The following STXBP5 variants were observed in gnomAD, a reference collection of about 807,000 sequenced individuals.
STXBP5 encodes syntaxin-binding protein 5.
A neutral mutation model predicts 152.4 loss-of-function variants in STXBP5; 50 were observed. The ratio of observed to expected loss-of-function variants is 0.33; its 90% CI spans 0.26 to 0.42. STXBP5 has a LOEUF of 0.42. Among genes scored for constraint, STXBP5 ranks in the 10% least tolerant of loss-of-function variants. The pLI, the probability that STXBP5 is intolerant of heterozygous loss-of-function variation, is 1.00. For synonymous variants in STXBP5, 492 were observed against 494.7 expected, an observed-to-expected ratio of 0.99 and a Z score of 0.07; for missense variants, 1,167 against 1,388.6, an observed-to-expected ratio of 0.84 and a Z score of 2.54.
intron 9 of STXBP5, among the ~76,000 whole-genome samples, chr6:147,303,942 G>T (rs947767483): frequency 6.6e-6 from 1 of 152,154 alleles, no homozygotes; most frequent in Non-Finnish European, 1.5e-5. Flanking sequence ...TCTGGTGGAA[G>T]AAATTTCTAA....
chr6:147,298,645 A>G (rs909492860), intron 9 of STXBP5, among the ~76,000 whole-genome samples: 2 of 152,092 alleles, frequency 1.3e-5, no homozygotes, highest in Non-Finnish European at 2.9e-5. Flanking sequence ...TTTTGGCCAC[A>G]GTGGTATAAA....
chr6:147,225,843 A>G (rs1777682689), intron 2 of STXBP5, among the ~76,000 whole-genome samples: 1 of 152,232 alleles, frequency 6.6e-6, no homozygotes, highest in African/African-American at 2.4e-5. Flanking sequence ...ACAACCTACA[A>G]AAGTCATTGA....
At chr6:147,343,294 G>T (rs1375536274) in intron 21 of STXBP5, among the ~76,000 whole-genome samples, 1 of 152,050 alleles carries the variant, frequency 6.6e-6, no homozygotes, top group East Asian at 1.9e-4. Context: ...AATAATTTTT[G>T]AATTCAGTTT....
intron 21 of STXBP5, among the ~76,000 whole-genome samples, chr6:147,340,079 T>G (rs975939777): frequency 3.3e-5 from 5 of 152,014 alleles, no homozygotes; most frequent in African/African-American, 1.2e-4. Flanking sequence ...GAAAAACACT[T>G]TTAGAAAAAG....
chr6:147,350,846 A>G (rs1279208018), intron 21 of STXBP5, among the ~76,000 whole-genome samples: 2 of 152,192 alleles, frequency 1.3e-5, no homozygotes, highest in Non-Finnish European at 2.9e-5. Flanking sequence ...GTCATCTTAC[A>G]TAATCCTCTC....
intron 25 of STXBP5, among the ~76,000 whole-genome samples, chr6:147,370,938 T>C (rs899854205): frequency 6.6e-6 from 1 of 152,094 alleles, no homozygotes; most frequent in African/African-American, 2.4e-5. Flanking sequence ...GCATCTAATG[T>C]ATGGATAACC....
At chr6:147,316,489 A>G (rs1196696573) in intron 16 of STXBP5, 82 bp downstream of exon 16, 4 of 1,244,934 alleles carry the variant, frequency 3.2e-6, no homozygotes, top group African/African-American at 3.1e-5. Flanking sequence ...CTATGGTAAC[A>G]TTTTCTTTTG....
intron 21 of STXBP5, among the ~76,000 whole-genome samples, chr6:147,341,625 T>G (rs1313979773): frequency 1.3e-5 from 2 of 152,082 alleles, no homozygotes; most frequent in Admixed American, 6.6e-5. Flanking sequence ...CCCCTGAGTT[T>G]TACCTGTTCT....
At chr6:147,208,629 A>G (rs1388154464) in intron 2 of STXBP5, among the ~76,000 whole-genome samples, 1 of 152,160 alleles carries the variant, frequency 6.6e-6, no homozygotes, top group Non-Finnish European at 1.5e-5. Context: ...AGAGCAGAAA[A>G]TAGACTTCTA....
At chr6:147,363,138 T>C (rs1785139466) in intron 23 of STXBP5, among the ~76,000 whole-genome samples, 197 bp from the exon 24 acceptor site, 1 of 152,258 alleles carries the variant, frequency 6.6e-6, no homozygotes, top group Non-Finnish European at 1.5e-5. Flanking sequence ...TTTATCTATT[T>C]GGAGCATGTA....
rs1045553654 is a variant in STXBP5 at position 147,229,554 on chromosome 6, C to T, written c.249-5696C>T. Among the ~76,000 whole-genome samples, 5 of 151,744 alleles carry T rather than the reference C, an allele frequency of 3.3e-5. No individual in the cohort carries two copies. In the East Asian group the frequency reaches 9.6e-4, roughly 29 times the overall value. On this transcript the variant is annotated intron_variant, in intron 2 of 27. Transcript: ENST00000321680. ...TTATTTAGGGTTTCTTTCAGCAGTA[C>T]TTTGTAGTTTTTAATGTTACAGGTC...
intron 17 of STXBP5, among the ~76,000 whole-genome samples, chr6:147,326,362 A>G (rs958341191): frequency 6.6e-6 from 1 of 152,150 alleles, no homozygotes. Flanking sequence ...TAGAATTTTA[A>G]TTAGTTACCA....
chr6:147,213,477 T>TGTGTGTGTGCGCGC, intron 2 of STXBP5, among the ~76,000 whole-genome samples: 66 of 131,312 alleles, frequency 5.0e-4, no homozygotes, highest in Middle Eastern at 3.9e-3. Context: ...TGTGTGTGTG[T>TGTGTGTGTGCGCGC]GCGCGCGCAT....
chr6:147,231,327 A>G (rs1777996329), intron 2 of STXBP5, among the ~76,000 whole-genome samples: 1 of 151,804 alleles, frequency 6.6e-6, no homozygotes. Flanking sequence ...CTCTTCATAA[A>G]TACGCCAGTG....
intron 4 of STXBP5, among the ~76,000 whole-genome samples, chr6:147,244,417 A>G (rs1364823001): frequency 6.6e-6 from 1 of 152,180 alleles, no homozygotes; most frequent in African/African-American, 2.4e-5. Context: ...CTTTAGAATC[A>G]GTTTGTCAAT....
At chr6:147,258,658 C>A (rs1008489802) in intron 4 of STXBP5, among the ~76,000 whole-genome samples, 3 of 152,166 alleles carry the variant, frequency 2.0e-5, no homozygotes, top group Admixed American at 2.0e-4. Flanking sequence ...TGGTCTCGAT[C>A]TCCTGACCTC....
chr6:147,327,161 T>G lies in STXBP5; in HGVS notation c.1965T>G (p.Val655=). ...VFGNCNGIAM[V]DYLQKAVLLN... is the part of the protein sequence containing the mutation. ...GCAATTGCAATGGCATTGCTATGGT[T>G]GACTACCTCCAGAAAGCAGTGCTGC... The change falls in exon 18 of 28, where the codon GTT becomes GTG. Residue 655 remains valine, a synonymous_variant. Coordinates refer to ENST00000321680, the MANE Select transcript of STXBP5 (RefSeq NM_001127715.4). 1 of 1,613,854 alleles carries G rather than the reference T, an allele frequency of 6.2e-7. No individual in the cohort carries two copies. The highest frequency in any genetic ancestry group is 1.1e-5 in the South Asian group (1 of 90,994).
intron 11 of STXBP5, among the ~76,000 whole-genome samples, 181 bp downstream of exon 11, chr6:147,311,708 C>G (rs1782385948): frequency 6.6e-6 from 1 of 152,076 alleles, no homozygotes; most frequent in Admixed American, 6.6e-5. Context: ...TATGTTGAAT[C>G]TCATAAAATT....
intron 8 of STXBP5, among the ~76,000 whole-genome samples, chr6:147,280,401 C>A (rs1198061854): frequency 6.6e-6 from 1 of 152,096 alleles, no homozygotes; most frequent in Non-Finnish European, 1.5e-5. Flanking sequence ...ATCTCATATC[C>A]TGATCCTTTG....
Sources: gnomAD v4.1 joint callset for allele counts (sites outside exome capture counted in the v4.1 genomes callset) on GRCh38, gnomAD v4.1.1 for gene constraint, MANE v1.5 for transcripts, NCBI Gene and HGNC (gene_info 2026-07-23, HGNC 2026-07-21) for gene names.